Variants in LGSN observed in about 807,000 individuals in gnomAD.
LGSN encodes the protein lengsin, lens protein with glutamine synthetase domain.
In LGSN, 21 loss-of-function variants were observed where a neutral mutation model predicts 19.5. That is an observed-to-expected ratio of 1.07 (90% CI 0.76 to 1.55). The LOEUF is 1.55. LGSN is among the 40% of genes most tolerant of loss of function. The probability of loss-of-function intolerance (pLI) is 0.00; values close to 1 mark genes in which losing one functional copy is unlikely to be tolerated. For missense variants in LGSN, 673 were observed against 608.5 expected (o/e 1.11, Z -1.12); for synonymous variants, 257 against 215.6 (o/e 1.19, Z -1.68).
At chr6:63,406,847 A>G in the LGSN span, among the ~76,000 whole-genome samples, 6 of 151,598 alleles carry the variant, frequency 4.0e-5, no homozygotes, top group South Asian at 1.2e-3. Flanking sequence ...AAAGGGGATT[A>G]TCACCACCGA....
At chr6:63,324,706 A>G (rs1001399281), upstream of LGSN, among the ~76,000 whole-genome samples, 1 of 152,032 alleles carries the variant, frequency 6.6e-6, no homozygotes, top group Non-Finnish European at 1.5e-5. Context: ...ATAAAAAAAA[A>G]TTTTTTGGAA....
chr6:63,353,496 G>C, the LGSN span, among the ~76,000 whole-genome samples: 5 of 142,304 alleles, frequency 3.5e-5, no homozygotes, highest in Admixed American at 3.7e-4. Context: ...GTAAGGTGAA[G>C]TTTTCTACTA....
the LGSN span, among the ~76,000 whole-genome samples, chr6:63,524,791 G>A: frequency 6.6e-6 from 1 of 152,086 alleles, no homozygotes; most frequent in East Asian, 1.9e-4. Flanking sequence ...CTCATTCAAA[G>A]TTTCTATTTT....
At chr6:63,486,407 A>C in the LGSN span, among the ~76,000 whole-genome samples, 1 of 152,152 alleles carries the variant, frequency 6.6e-6, no homozygotes, top group African/African-American at 2.4e-5. Flanking sequence ...CAGTTTGCCA[A>C]ACTTCCACAG....
chr6:63,312,882 T>G (rs975018875), intron 1 of LGSN, among the ~76,000 whole-genome samples: 2 of 152,120 alleles, frequency 1.3e-5, no homozygotes, highest in Non-Finnish European at 2.9e-5. Flanking sequence ...GACAACCACA[T>G]TTCTGACTAG....
At chr6:63,379,904 C>A in the LGSN span, among the ~76,000 whole-genome samples, 1 of 151,946 alleles carries the variant, frequency 6.6e-6, no homozygotes, top group Non-Finnish European at 1.5e-5. Context: ...ATGGTGCAAT[C>A]TTGGCTCACT....
the LGSN span, among the ~76,000 whole-genome samples, chr6:63,341,024 T>C: frequency 6.6e-6 from 1 of 152,022 alleles, no homozygotes; most frequent in Non-Finnish European, 1.5e-5. Context: ...AGTAGTGTAG[T>C]CTCCATATGA....
chr6:63,326,387 C>T, the LGSN span, among the ~76,000 whole-genome samples: 1 of 152,246 alleles, frequency 6.6e-6, no homozygotes, highest in Non-Finnish European at 1.5e-5. Context: ...GCTGGCTTCA[C>T]CCAGTGGATT....
the LGSN span, among the ~76,000 whole-genome samples, chr6:63,503,829 T>A: frequency 6.6e-6 from 1 of 151,978 alleles, no homozygotes; most frequent in African/African-American, 2.4e-5. Flanking sequence ...GGTGGGAGAA[T>A]CACCAGAGCC....
intron 3 of LGSN, among the ~76,000 whole-genome samples, chr6:63,285,290 G>A (rs112379061): frequency 0.012 from 1,824 of 152,148 alleles, 23 homozygotes; most frequent in African/African-American, 0.041. Flanking sequence ...TGCAGTAAGG[G>A]AGAAAAAATA....
the LGSN span, among the ~76,000 whole-genome samples, chr6:63,497,606 G>C: frequency 1.3e-5 from 2 of 152,100 alleles, no homozygotes; most frequent in East Asian, 1.9e-4. Context: ...CCAACACTAA[G>C]AGAAAGTTGG....
At chr6:63,493,947 A>G in the LGSN span, among the ~76,000 whole-genome samples, 5 of 130,076 alleles carry the variant, frequency 3.8e-5, no homozygotes, top group Admixed American at 1.7e-4. Flanking sequence ...AGAAGAAATC[A>G]TTTCTTTTTT....
the LGSN span, among the ~76,000 whole-genome samples, chr6:63,522,862 C>CT: frequency 0.012 from 1,513 of 126,370 alleles, 14 homozygotes; most frequent in Non-Finnish European, 0.016. Context: ...GACTAAATCA[C>CT]TTTTTTTTTT....
the LGSN span, among the ~76,000 whole-genome samples, chr6:63,379,697 GTTCATGCA>G: frequency 6.6e-6 from 1 of 152,162 alleles, no homozygotes; most frequent in African/African-American, 2.4e-5. Context: ...CAGAGTCTTA[GTTCATGCA>G]TTCAACTTAC....
At chr6:63,499,030 C>A in the LGSN span, among the ~76,000 whole-genome samples, 1 of 152,068 alleles carries the variant, frequency 6.6e-6, no homozygotes, top group Non-Finnish European at 1.5e-5. Context: ...ATCCTACATT[C>A]TTTAGGAATT....
chr6:63,331,379 CAGAG>C, the LGSN span, among the ~76,000 whole-genome samples: 1 of 152,066 alleles, frequency 6.6e-6, no homozygotes, highest in Admixed American at 6.6e-5. Flanking sequence ...TTTTCCTTAT[CAGAG>C]AGAGAATATT....
chr6:63,512,104 A>G, the LGSN span, among the ~76,000 whole-genome samples: 3 of 150,252 alleles, frequency 2.0e-5, no homozygotes, highest in Non-Finnish European at 4.4e-5. Context: ...TCTTTTTGAG[A>G]CAAAGTCTTG....
chr6:63,280,011 G>A lies in LGSN; in HGVS notation c.*10C>T, dbSNP rs766975664. 3 of 1,571,854 alleles carry A rather than the reference G, an allele frequency of 1.9e-6. No homozygotes were observed. In the East Asian group the frequency reaches 6.7e-5, roughly 35 times the overall value. On this transcript the variant is annotated 3_prime_UTR_variant, in exon 4 of 4. Transcript: ENST00000370657. ...ATTACATGTCTAAAGGAGTAGTTGT[G>A]AGCTCTATTCTAAATAAAATACTCT... is the stretch of plus-strand genomic sequence containing the variant.
the LGSN span, among the ~76,000 whole-genome samples, chr6:63,430,490 G>A: frequency 6.6e-6 from 1 of 152,094 alleles, no homozygotes; most frequent in Non-Finnish European, 1.5e-5. Context: ...GTAGGTTCAA[G>A]CAATTCTTCT....
Sources: allele counts gnomAD v4.1 joint callset (sites outside exome capture counted in the v4.1 genomes callset), GRCh38; gene constraint gnomAD v4.1.1; transcripts MANE v1.5; gene names NCBI Gene and HGNC (gene_info 2026-07-23, HGNC 2026-07-21).